IGF2R: variants seen among roughly 807,000 people sequenced by gnomAD.
IGF2R encodes the protein cation-independent mannose-6-phosphate receptor.
In IGF2R, 91 loss-of-function variants were observed where a neutral mutation model predicts 270.6. The ratio of observed to expected loss-of-function variants is 0.34; its 90% confidence interval spans 0.28 to 0.40. The LOEUF (loss-of-function observed/expected upper bound fraction) is 0.40, where lower values mean the gene tolerates loss of function less well. Among genes scored for constraint, IGF2R ranks in the 10% least tolerant of loss-of-function variants. The probability of loss-of-function intolerance (pLI) is 1.00; values close to 1 mark genes in which losing one functional copy is unlikely to be tolerated. For synonymous variants in IGF2R, 1,316 were observed against 1,258.9 expected, an observed-to-expected ratio of 1.05 and a Z score of -0.96; for missense variants, 2,805 against 3,188.3, an observed-to-expected ratio of 0.88 and a Z score of 2.90.
At chr6:159,999,434 A>G (rs1017147289) in intron 2 of IGF2R, among the ~76,000 whole-genome samples, 13 of 152,174 alleles carry the variant, frequency 8.5e-5, no homozygotes, top group Admixed American at 8.5e-4. Flanking sequence ...TTGAATGTGG[A>G]CAGCCGGCTC....
chr6:160,099,405 C>T (rs531674346), intron 45 of IGF2R, among the ~76,000 whole-genome samples: 5 of 151,842 alleles, frequency 3.3e-5, no homozygotes, highest in Non-Finnish European at 5.9e-5. Flanking sequence ...GTCTCGCTCT[C>T]GCCCAGGCTG....
Position 160,050,782 on chromosome 6 carries a change from G to A in IGF2R, c.2694+130G>A. On this transcript the variant is annotated intron_variant, in intron 19 of 47. Transcript: ENST00000356956. This position sits in a 1 kb window ranked among gnomAD's most constrained non-coding sequence, Gnocchi z 4.0. ...TAGGCCAGTCTTAGTTCTGCTTAAG[G>A]TCAGTGTGCGGTATATATGTTCACA... 1.4e-6 allele frequency: 1 copy of A among 735,156 alleles called. No individual in the cohort carries two copies. The highest frequency in any genetic ancestry group is 2.0e-5 in the South Asian group (1 of 51,148). 45.5% of individuals were successfully genotyped at this position (735,156 alleles called of 1,614,324 possible). A position where few individuals can be genotyped will look rare whatever the true frequency, so the allele number is the denominator to read the frequency against.
At chr6:159,969,586 C>T (rs548017690) in intron 1 of IGF2R, among the ~76,000 whole-genome samples, 191 bp downstream of exon 1, 3 of 152,156 alleles carry the variant, frequency 2.0e-5, no homozygotes, top group Non-Finnish European at 4.4e-5. Context: ...CGTGCGCAGG[C>T]GGGGGGCGCG....
intron 7 of IGF2R, 53 bp downstream of exon 7, chr6:160,029,708 C>A: frequency 7.5e-7 from 1 of 1,340,284 alleles, no homozygotes; most frequent in Non-Finnish European, 1.1e-6. Flanking sequence ...CCTGGGTTGC[C>A]CATGCGAACG....
chr6:160,059,684 G>A (rs1481023902), intron 22 of IGF2R, among the ~76,000 whole-genome samples: 2 of 152,176 alleles, frequency 1.3e-5, no homozygotes, highest in African/African-American at 2.4e-5. Context: ...TCCACAGTAC[G>A]GCCATGGGAC....
At position 160,061,543 on chromosome 6, in the gene IGF2R, A is replaced by C. The variant is rs1404097567; in HGVS notation, c.3303A>C (p.Thr1101=). 6.2e-7 allele frequency: 1 copy of C among 1,614,096 alleles called. No homozygotes were observed. The highest frequency in any genetic ancestry group is 2.2e-5 in the East Asian group (1 of 44,892). The change falls in exon 24 of 48, where the codon ACA becomes ACC. Residue 1101 remains threonine (T), a synonymous_variant. Transcript: ENST00000356956. Reference sequence around the variant, plus strand: ...AGTACGACCTGACTGGCCTAAGCACAGTCAGGAAACCTTGGACGGCTGTTG... The same window carrying C: ...AGTACGACCTGACTGGCCTAAGCACCGTCAGGAAACCTTGGACGGCTGTTG... The part of the protein sequence containing the change: ...GNEYDLTGLS[T]VRKPWTAVDT...
Position 160,090,109 on chromosome 6 carries a change from C to G in IGF2R, c.6655+6C>G. ...GACCAAGTACTACCTTCAAGGTAAT[C>G]CGTGGCTTCCCACAAAGTTCCACAT... On this transcript the variant is annotated splice_donor_region_variant and intron_variant, in intron 44 of 47. Transcript: ENST00000356956. The G allele has an allele frequency of 7.0e-7, 1 of 1,436,752 alleles. No individual in the cohort carries two copies. Among genetic ancestry groups the G allele is most frequent in the Non-Finnish European group, 9.2e-7 (1 of 1,083,504 alleles). The allele number at this position is 1,436,752 out of a possible 1,614,324, so 89.0% of individuals were successfully genotyped here.
intron 31 of IGF2R, among the ~76,000 whole-genome samples, chr6:160,070,783 T>G (rs909510482): frequency 6.6e-6 from 1 of 152,124 alleles, no homozygotes; most frequent in Non-Finnish European, 1.5e-5. Flanking sequence ...CGCCCCATGC[T>G]CTCCAGCGGT....
At chr6:160,073,004 T>C in intron 33 of IGF2R, 120 bp downstream of exon 33, 1 of 1,441,930 alleles carries the variant, frequency 6.9e-7, no homozygotes, top group Non-Finnish European at 9.4e-7. Flanking sequence ...GACGCTTTTG[T>C]CTCCTGCAGC....
At position 160,004,110 on chromosome 6, in the gene IGF2R, T is replaced by G. The variant is rs1382057793; in HGVS notation, c.290-4900T>G. On this transcript the variant is annotated intron_variant, in intron 2 of 47. Coordinates refer to ENST00000356956, the MANE Select transcript of IGF2R (RefSeq NM_000876.4). This position sits in a 1 kb window ranked among gnomAD's most constrained non-coding sequence, Gnocchi z 5.2. ...TATTTTTTTTTTTAATTTGGCAAAA[T>G]AGCGTGAATAGTATATGTTGAAGGA... 1 of 151,978 alleles carries G rather than the reference T, an allele frequency of 6.6e-6. No individual in the cohort carries two copies. Among genetic ancestry groups the G allele is most frequent in the African/African-American group, 2.4e-5 (1 of 41,360 alleles). 9.4% of individuals were successfully genotyped at this position (151,978 alleles called of 1,614,324 possible).
chr6:160,063,608 G>A lies in IGF2R; in HGVS notation c.3864G>A (p.Pro1288=), dbSNP rs138362768. 592 of 1,613,908 alleles carry A rather than the reference G, an allele frequency of 3.7e-4. 3 individuals are homozygous for A. Among genetic ancestry groups the A allele is most frequent in the Non-Finnish European group, 1.8e-4 (207 of 1,179,880 alleles). Residue 1288 remains proline (P), a synonymous_variant, in exon 27 of 48, where the codon CCG becomes CCA. Coordinates refer to ENST00000356956, the MANE Select transcript of IGF2R (RefSeq NM_000876.4). ...VVSSCQEKRE[P]QGFHKVAGLL... ...CCTCATGTCAGGAAAAGCGGGAACC[G>A]CAGGGATTTCACAAAGTGGCAGGTA...
At chr6:160,051,791 T>G (rs1049111134) in intron 19 of IGF2R, among the ~76,000 whole-genome samples, 4 of 152,058 alleles carry the variant, frequency 2.6e-5, no homozygotes, top group Admixed American at 2.6e-4. Context: ...AGACCCCATC[T>G]ACAAAAAATT....
intron 37 of IGF2R, 40 bp from the exon 38 acceptor site, chr6:160,079,540 G>A (rs745941180): frequency 3.0e-6 from 4 of 1,350,972 alleles, no homozygotes; most frequent in Non-Finnish European, 2.9e-6. Context: ...AGACCTGGGT[G>A]CTGCCACTCT....
In IGF2R at chr6:160,050,133, C is replaced by T. The variant is rs1042747660; in HGVS notation, c.2515-340C>T. ...TTCAGGATCTGAAGAACATCTTACACGATTATTGAACGAAAGCCTTATGAT... is the reference window on the plus strand; with the variant it reads ...TTCAGGATCTGAAGAACATCTTACATGATTATTGAACGAAAGCCTTATGAT... On this transcript the variant is annotated intron_variant, in intron 18 of 47. Transcript: ENST00000356956. The surrounding 1 kb of genome is among the most constrained non-coding windows in gnomAD (Gnocchi z 4.0). Among the ~76,000 whole-genome samples, 4 of 152,170 alleles carry T rather than the reference C, an allele frequency of 2.6e-5. No homozygotes were observed. Among genetic ancestry groups the T allele is most frequent in the African/African-American group, 4.8e-5 (2 of 41,428 alleles).
intron 2 of IGF2R, chr6:160,005,988 C>A: frequency 1.2e-5 from 2 of 161,756 alleles, no homozygotes; most frequent in South Asian, 2.6e-4. Context: ...CGCCGCGCCC[C>A]TCGCCTCCTC....
chr6:160,079,550 T>C, intron 37 of IGF2R, 30 bp from the exon 38 acceptor site: 1 of 1,389,154 alleles, frequency 7.2e-7, no homozygotes, highest in South Asian at 1.9e-5. Flanking sequence ...GCTGCCACTC[T>C]GCTGACGGCC....
At chr6:160,072,393 T>C (rs1778761297) in intron 32 of IGF2R, among the ~76,000 whole-genome samples, 1 of 152,164 alleles carries the variant, frequency 6.6e-6, no homozygotes, top group Non-Finnish European at 1.5e-5. Flanking sequence ...GTGTAGTGGA[T>C]TGCCAGGAGT....
In IGF2R at chr6:160,085,112, G is replaced by A. The variant is rs1275341987; in HGVS notation, c.6186G>A (p.Thr2062=). 7 of 1,613,432 alleles carry A rather than the reference G, an allele frequency of 4.3e-6. No individual in the cohort carries two copies. The highest frequency in any genetic ancestry group is 1.3e-5 in the African/African-American group (1 of 74,902). Residue 2062 remains threonine, a synonymous_variant, in exon 41 of 48, where the codon ACG becomes ACA. Transcript: ENST00000356956. Reference sequence around the variant, plus strand: ...TCCAGGTCCTGGGACTCGTTCACACGCAGAAGCTGGGTGTCATAGGTAAGG... The same window carrying A: ...TCCAGGTCCTGGGACTCGTTCACACACAGAAGCTGGGTGTCATAGGTAAGG... ...GDVQVLGLVH[T]QKLGVIGDKV... is the part of the protein sequence containing the mutation.
At position 160,048,522 on chromosome 6, in the gene IGF2R, G is replaced by C. The variant is rs1273120818; in HGVS notation, c.2493G>C (p.Gln831His). 1 of 1,613,684 alleles carries C rather than the reference G, an allele frequency of 6.2e-7. No homozygotes were observed. The highest frequency in any genetic ancestry group is 8.5e-7 in the Non-Finnish European group (1 of 1,179,910). Residue 831 changes from glutamine to histidine, a missense_variant, in exon 18 of 48, where the codon CAG becomes CAC. Coordinates refer to ENST00000356956, the MANE Select transcript of IGF2R (RefSeq NM_000876.4). ...PGCNRYASACQMKYEKDQGSF... is the reference protein window; with the variant it reads ...PGCNRYASACHMKYEKDQGSF... ...GCAACCGATATGCATCGGCTTGCCA[G>C]ATGAAGTATGAAAAAGATCAGGTGA...
Sources: allele counts gnomAD v4.1 joint callset (sites outside exome capture counted in the v4.1 genomes callset), GRCh38; gene constraint gnomAD v4.1.1; non-coding constraint Gnocchi (gnomAD v3.1); transcripts MANE v1.5; gene names NCBI Gene and HGNC (gene_info 2026-07-23, HGNC 2026-07-21).